THSD7B: variants seen among roughly 807,000 people sequenced by gnomAD.
THSD7B encodes thrombospondin type-1 domain-containing protein 7B.
A neutral mutation model predicts 213.6 loss-of-function variants in THSD7B; 138 were observed. The observed-to-expected ratio is 0.65, with a 90% CI of 0.56 to 0.74. The LOEUF (loss-of-function observed/expected upper bound fraction) is 0.74. Ranked by LOEUF, THSD7B falls within the 30% of genes least tolerant of loss-of-function variation. THSD7B has a pLI of 0.00. For synonymous variants in THSD7B, 742 were observed against 687.0 expected, an observed-to-expected ratio of 1.08 and a Z score of -1.25; for missense variants, 1,931 against 1,991.5, an observed-to-expected ratio of 0.97 and a Z score of 0.58.
chr2:137,657,250 A>C, intron 24 of THSD7B, 90 bp downstream of exon 24: 1 of 1,252,664 alleles, frequency 8.0e-7, no homozygotes, highest in Non-Finnish European at 1.1e-6. Flanking sequence ...ATTATAAACA[A>C]GGGGTGACTT....
chr2:137,242,413 T>A, intron 9 of THSD7B, 44 bp from the exon 10 acceptor site: 1 of 1,469,980 alleles, frequency 6.8e-7, no homozygotes, highest in Admixed American at 1.7e-5. Context: ...TTCAACGGCT[T>A]AGTCTCTCAA....
At chr2:137,559,715 G>A (rs1343067926) in intron 15 of THSD7B, among the ~76,000 whole-genome samples, 1 of 152,116 alleles carries the variant, frequency 6.6e-6, no homozygotes, top group African/African-American at 2.4e-5. Context: ...TTCACAAATG[G>A]GATCTAATTA....
intron 9 of THSD7B, among the ~76,000 whole-genome samples, chr2:137,233,651 A>T (rs116658886): frequency 6.6e-6 from 1 of 152,354 alleles, no homozygotes; most frequent in African/African-American, 2.4e-5. Context: ...ACATGGAGAT[A>T]TAAAACTTTT....
chr2:137,287,395 C>G (rs1459530489), intron 12 of THSD7B, among the ~76,000 whole-genome samples: 1 of 151,890 alleles, frequency 6.6e-6, no homozygotes, highest in East Asian at 1.9e-4. Flanking sequence ...GAGAGTAAAG[C>G]GTTGGATTCA....
At chr2:137,591,758 T>C (rs1681870450) in intron 17 of THSD7B, among the ~76,000 whole-genome samples, 2 of 151,944 alleles carry the variant, frequency 1.3e-5, no homozygotes, top group Non-Finnish European at 2.9e-5. Context: ...TCTTATAGTT[T>C]GATGCCACGT....
chr2:137,266,043 C>T (rs187649163), intron 10 of THSD7B, among the ~76,000 whole-genome samples: 1 of 152,336 alleles, frequency 6.6e-6, no homozygotes, highest in African/African-American at 2.4e-5. Flanking sequence ...AGGAATGAGA[C>T]TCAGCTCTGA....
intron 1 of THSD7B, among the ~76,000 whole-genome samples, chr2:136,782,307 C>T (rs146072937): frequency 6.6e-6 from 1 of 152,290 alleles, no homozygotes; most frequent in African/African-American, 2.4e-5. Flanking sequence ...TTCTAGGTCT[C>T]TCTTGGTGGC....
intron 7 of THSD7B, among the ~76,000 whole-genome samples, chr2:137,218,987 A>G (rs1681308918): frequency 6.6e-6 from 1 of 151,986 alleles, no homozygotes; most frequent in Non-Finnish European, 1.5e-5. Flanking sequence ...TTTGTGAAAA[A>G]AAAAATAGAA....
chr2:137,088,706 G>T (rs1687889235), intron 3 of THSD7B, among the ~76,000 whole-genome samples: 1 of 151,672 alleles, frequency 6.6e-6, no homozygotes, highest in African/African-American at 2.4e-5. Context: ...CACAGAGTAG[G>T]AAAAAATCTT....
intron 2 of THSD7B, among the ~76,000 whole-genome samples, chr2:136,974,345 C>T (rs1023962473): frequency 7.9e-5 from 12 of 152,114 alleles, no homozygotes; most frequent in Non-Finnish European, 1.2e-4. Context: ...GCTCTCCCTC[C>T]CCTGAACCCC....
intron 12 of THSD7B, among the ~76,000 whole-genome samples, chr2:137,314,611 C>T (rs368374427): frequency 2.0e-5 from 3 of 152,190 alleles, no homozygotes; most frequent in African/African-American, 7.2e-5. Flanking sequence ...AGTTTTTCTG[C>T]TCTGTTTTTT....
intron 14 of THSD7B, among the ~76,000 whole-genome samples, chr2:137,437,446 A>G (rs905929925): frequency 6.6e-6 from 1 of 152,186 alleles, no homozygotes; most frequent in Non-Finnish European, 1.5e-5. Context: ...TGTGAAGAAC[A>G]GGAGGCAAAA....
At chr2:137,132,200 A>G (rs1352397514) in intron 5 of THSD7B, among the ~76,000 whole-genome samples, 3 of 151,220 alleles carry the variant, frequency 2.0e-5, no homozygotes, top group East Asian at 1.9e-4. Context: ...TTGGTGTATA[A>G]GTATGCTTGT....
At chr2:136,782,867 A>G (rs573766233) in intron 1 of THSD7B, among the ~76,000 whole-genome samples, 1 of 152,290 alleles carries the variant, frequency 6.6e-6, no homozygotes, top group South Asian at 2.1e-4. Context: ...ATCATGTTGT[A>G]CATGATAAAA....
chr2:136,819,419 C>T (rs567275302), intron 1 of THSD7B, among the ~76,000 whole-genome samples: 1 of 152,224 alleles, frequency 6.6e-6, no homozygotes, highest in Non-Finnish European at 1.5e-5. Context: ...GTGACCCAGA[C>T]TTTATCAATC....
At chr2:136,940,267 T>C (rs1458192507) in intron 2 of THSD7B, among the ~76,000 whole-genome samples, 1 of 152,118 alleles carries the variant, frequency 6.6e-6, no homozygotes, top group African/African-American at 2.4e-5. Flanking sequence ...AGTTAGAACA[T>C]GTGGTATTTG....
intron 15 of THSD7B, among the ~76,000 whole-genome samples, chr2:137,562,318 G>C (rs949322293): frequency 2.0e-5 from 3 of 152,106 alleles, no homozygotes; most frequent in Non-Finnish European, 4.4e-5. Context: ...CCATCTTTGT[G>C]ATCATGCAAT....
intron 1 of THSD7B, among the ~76,000 whole-genome samples, chr2:136,775,053 A>G (rs995195945): frequency 6.6e-6 from 1 of 152,132 alleles, no homozygotes; most frequent in African/African-American, 2.4e-5. Flanking sequence ...CAGTCTACCT[A>G]TGGAGATATG....
rs547912807 is a variant in THSD7B, at chr2:137,640,073, G to A, written c.3800-2415G>A. ...GATTTGGAGGGGCCAGGGGCAGAAT[G>A]ATATGGTTTGGCTGTGTCCCCACCC... On this transcript the variant is annotated intron_variant, in intron 20 of 27. Coordinates refer to ENST00000409968, the MANE Select transcript of THSD7B (RefSeq NM_001316349.2). Among the ~76,000 whole-genome samples the A allele has an allele frequency of 2.0e-5, 3 of 152,278 alleles. No individual in the cohort carries two copies. The South Asian group carries it at 6.2e-4, about 32-fold the overall frequency.
Sources: gnomAD v4.1 joint callset for allele counts (sites outside exome capture counted in the v4.1 genomes callset) on GRCh38, gnomAD v4.1.1 for gene constraint, MANE v1.5 for transcripts, NCBI Gene and HGNC (gene_info 2026-07-23, HGNC 2026-07-21) for gene names.